The following KAT6B variants were observed in gnomAD, a reference collection of about 807,000 sequenced individuals.
The protein encoded by KAT6B is histone acetyltransferase KAT6B.
KAT6B carries 10 observed loss-of-function variants against 187.5 expected under a neutral mutation model. The observed-to-expected ratio is 0.05, with a 90% CI of 0.03 to 0.09. The LOEUF is 0.09. Among genes scored for constraint, KAT6B ranks in the 10% least tolerant of loss-of-function variants. KAT6B has a pLI of 1.00. For synonymous variants in KAT6B, 861 were observed against 926.8 expected, an observed-to-expected ratio of 0.93 and a Z score of 1.29; for missense variants, 1,952 against 2,558.9, an observed-to-expected ratio of 0.76 and a Z score of 5.12.
At chr10:74,959,882 A>C in intron 3 of KAT6B, 88 bp from the exon 4 acceptor site, 1 of 877,782 alleles carries the variant, frequency 1.1e-6, no homozygotes, top group South Asian at 1.4e-5. Flanking sequence ...AGAAGCTTTA[A>C]GTGAAAAATG....
At chr10:74,968,761 C>T (rs1203960257) in intron 4 of KAT6B, among the ~76,000 whole-genome samples, 4 of 151,926 alleles carry the variant, frequency 2.6e-5, no homozygotes, top group African/African-American at 9.7e-5. Context: ...GATAAAAGAC[C>T]ATTAGATTTT....
chr10:74,829,462 T>G (rs1325013204), intron 1 of KAT6B, among the ~76,000 whole-genome samples: 1 of 151,920 alleles, frequency 6.6e-6, no homozygotes, highest in African/African-American at 2.4e-5. Context: ...AATAGTTTTT[T>G]TTTTTTTTTT....
At chr10:74,913,948 G>A (rs1218778538) in intron 3 of KAT6B, among the ~76,000 whole-genome samples, 1 of 152,210 alleles carries the variant, frequency 6.6e-6, no homozygotes, top group African/African-American at 2.4e-5. Flanking sequence ...CACTTTGGGA[G>A]GGTGAGGCAG....
intron 3 of KAT6B, among the ~76,000 whole-genome samples, chr10:74,857,917 G>A (rs1281580568): frequency 1.3e-5 from 2 of 152,196 alleles, no homozygotes; most frequent in African/African-American, 2.4e-5. Flanking sequence ...AACTACTTGG[G>A]AGGCTGAGGT....
intron 3 of KAT6B, among the ~76,000 whole-genome samples, chr10:74,947,033 T>A (rs1839998697): frequency 6.6e-6 from 1 of 152,190 alleles, no homozygotes; most frequent in Non-Finnish European, 1.5e-5. Context: ...CGAGTCTTAC[T>A]GTGTCGCCCA....
chr10:74,979,424 G>A, intron 10 of KAT6B, 85 bp downstream of exon 10: 1 of 985,706 alleles, frequency 1.0e-6, no homozygotes, highest in Non-Finnish European at 1.6e-6. Context: ...CAGGAATTAG[G>A]GATGATTTTA....
Position 74,975,822 on chromosome 10 carries a change from A to G in KAT6B, c.1485A>G (p.Pro495=), listed in dbSNP as rs200878724. Residue 495 remains proline (P), a synonymous_variant, in exon 8 of 18, where the codon CCA becomes CCG. Coordinates refer to ENST00000287239, the MANE Select transcript of KAT6B (RefSeq NM_012330.4). ...QKLKPPPSSL[P]PPTPISGQSP... ...TAAAACCTCCACCTTCTTCACTTCC[A>G]CCCCCAACCCCCATCTCCGGTCAGA... 2.4e-5 allele frequency: 38 copies of G among 1,613,796 alleles called. No individual in the cohort carries two copies. The East Asian group carries it at 7.8e-4, about 33-fold the overall frequency.
intron 3 of KAT6B, among the ~76,000 whole-genome samples, chr10:74,870,890 T>G (rs1163329119): frequency 2.0e-5 from 3 of 150,046 alleles, no homozygotes; most frequent in East Asian, 2.0e-4. Context: ...TTTTGTTTTT[T>G]TTTTTGATAT....
intron 3 of KAT6B, among the ~76,000 whole-genome samples, chr10:74,855,962 A>G (rs1842792862): frequency 6.6e-6 from 1 of 152,126 alleles, no homozygotes. Context: ...TTTCACCCCT[A>G]AATACTTAAT....
chr10:74,841,394 C>G (rs563628437), intron 2 of KAT6B, among the ~76,000 whole-genome samples: 12 of 152,190 alleles, frequency 7.9e-5, no homozygotes, highest in African/African-American at 2.9e-4. Context: ...GGCAAAACTC[C>G]ATCTCTACTA....
intron 3 of KAT6B, among the ~76,000 whole-genome samples, chr10:74,853,126 T>G (rs1429264358): frequency 6.8e-6 from 1 of 147,096 alleles, no homozygotes; most frequent in Non-Finnish European, 1.5e-5. Context: ...TTTTTTTTTT[T>G]TTTTCTGAGA....
At chr10:75,025,325 G>C (rs1845738349) in intron 17 of KAT6B, 76 bp downstream of exon 17, 1 of 1,505,620 alleles carries the variant, frequency 6.6e-7, no homozygotes, top group Middle Eastern at 2.3e-4. Flanking sequence ...CAGGCCTCTG[G>C]CGTGATGCCC....
intron 6 of KAT6B, among the ~76,000 whole-genome samples, chr10:74,970,341 C>T (rs1841769559): frequency 6.6e-6 from 1 of 151,724 alleles, no homozygotes. Context: ...AATTCAGACC[C>T]AGGGATGAAA....
chr10:74,950,930 T>C (rs995149467), intron 3 of KAT6B, among the ~76,000 whole-genome samples: 6 of 151,932 alleles, frequency 3.9e-5, no homozygotes, highest in African/African-American at 9.7e-5. Context: ...CTGGGCAACA[T>C]GGTGAAACCT....
chr10:74,982,082 GT>G (rs1842549218), intron 11 of KAT6B, 154 bp downstream of exon 11: 1 of 672,618 alleles, frequency 1.5e-6, no homozygotes, highest in Non-Finnish European at 2.6e-6. Context: ...GTTTTGGAAT[GT>G]TTATCTAACC....
intron 2 of KAT6B, among the ~76,000 whole-genome samples, chr10:74,840,317 G>C (rs1589447852): frequency 6.6e-6 from 1 of 152,332 alleles, no homozygotes; most frequent in Middle Eastern, 3.4e-3. Flanking sequence ...AAGAAACTGG[G>C]ATATGAGTGG....
intron 11 of KAT6B, 52 bp from the exon 12 acceptor site, chr10:74,985,028 A>T: frequency 2.7e-6 from 4 of 1,504,368 alleles, no homozygotes; most frequent in Non-Finnish European, 3.7e-6. Context: ...AAACAATTTT[A>T]TATGGTGCAG....
At position 75,032,358 on chromosome 10, in the gene KAT6B, C is replaced by T. The variant is rs113146077; in HGVS notation, c.*1312C>T. 1.4e-3 allele frequency: 263 copies of T among 194,106 alleles called. 3 individuals are homozygous for T. The highest frequency in any genetic ancestry group is 1.7e-3 in the Non-Finnish European group (157 of 92,940). The allele number at this position is 194,106 out of a possible 1,614,324, so 12.0% of individuals were successfully genotyped here. ...ACCAATGGAACTGTATCATGTGTCA[C>T]GCCTCAGAACACATACACATTTTGG... On this transcript the variant is annotated 3_prime_UTR_variant, in exon 18 of 18. Transcript: ENST00000287239.
chr10:74,978,683 C>T (rs1014498606), intron 9 of KAT6B, among the ~76,000 whole-genome samples: 5 of 152,140 alleles, frequency 3.3e-5, no homozygotes, highest in Non-Finnish European at 5.9e-5. Context: ...TTCTTAACCT[C>T]GTGTGGCTTA....
Sources: gnomAD v4.1 joint callset for allele counts (sites outside exome capture counted in the v4.1 genomes callset) on GRCh38, gnomAD v4.1.1 for gene constraint, MANE v1.5 for transcripts, NCBI Gene and HGNC (gene_info 2026-07-23, HGNC 2026-07-21) for gene names.